The following BCAR3 variants were observed in gnomAD, a reference collection of about 807,000 sequenced individuals.
BCAR3 encodes breast cancer anti-estrogen resistance protein 3.
Under a neutral mutation model 80.1 loss-of-function variants are expected in BCAR3, and 37 were observed. That is an observed-to-expected ratio of 0.46 (90% CI 0.36 to 0.61). The LOEUF is 0.61. BCAR3 is among the 20% of genes least tolerant of loss of function. BCAR3 has a pLI of 0.00. For missense variants in BCAR3, 978 were observed against 1,068.2 expected, an observed-to-expected ratio of 0.92 and a Z score of 1.18; for synonymous variants, 389 against 418.9, an observed-to-expected ratio of 0.93 and a Z score of 0.87.
At chr1:93,760,783 G>A (rs1445100206) in intron 2 of BCAR3, among the ~76,000 whole-genome samples, 2 of 152,142 alleles carry the variant, frequency 1.3e-5, no homozygotes, top group African/African-American at 2.4e-5. Flanking sequence ...ATGACCTCTG[G>A]TAGAAAGGTC....
intron 2 of BCAR3, among the ~76,000 whole-genome samples, chr1:93,794,145 G>A (rs1363367255): frequency 5.2e-5 from 3 of 57,526 alleles, no homozygotes; most frequent in African/African-American, 4.5e-4. Context: ...ATTTGGGGTG[G>A]AGAGTTCTGT....
intron 2 of BCAR3, among the ~76,000 whole-genome samples, chr1:93,726,282 A>C (rs1451127808): frequency 6.6e-5 from 10 of 152,136 alleles, no homozygotes; most frequent in Non-Finnish European, 1.5e-4. Flanking sequence ...TATGTTGCCA[A>C]GGCTGGTCTC....
At chr1:93,716,418 C>T (rs995858012) in intron 2 of BCAR3, among the ~76,000 whole-genome samples, 1 of 152,172 alleles carries the variant, frequency 6.6e-6, no homozygotes, top group Non-Finnish European at 1.5e-5. Context: ...ACACCAATTT[C>T]TCTGCTCAAA....
intron 3 of BCAR3, among the ~76,000 whole-genome samples, chr1:93,693,985 A>T (rs989504158): frequency 6.6e-6 from 1 of 152,196 alleles, no homozygotes; most frequent in Non-Finnish European, 1.5e-5. Context: ...CAGCTCTTTG[A>T]GGCAGGTATT....
At chr1:93,643,824 G>A (rs1037255743) in intron 2 of BCAR3, among the ~76,000 whole-genome samples, 39 of 152,264 alleles carry the variant, frequency 2.6e-4, no homozygotes, top group Non-Finnish European at 8.8e-5. Context: ...TATGTGAGAT[G>A]ATGAATATGT....
chr1:93,638,557 C>G lies in BCAR3; in HGVS notation c.357+3747G>C, dbSNP rs552180545. Among the ~76,000 whole-genome samples, 3 of 152,006 alleles carry G rather than the reference C, an allele frequency of 2.0e-5. No homozygotes were observed. The East Asian group carries it at 5.8e-4, about 29-fold the overall frequency. ...ATAATTTTGCCTAGGGTTATTGGCT[C>G]TAAAAGATATTTCCTCCTATTAAAA... On this transcript the variant is annotated intron_variant, in intron 3 of 11. Coordinates refer to ENST00000260502, the MANE Select transcript of BCAR3 (RefSeq NM_003567.4).
chr1:93,650,775 G>A (rs371991185), intron 2 of BCAR3, among the ~76,000 whole-genome samples: 3 of 152,052 alleles, frequency 2.0e-5, no homozygotes, highest in East Asian at 1.9e-4. Flanking sequence ...AACCTAACCC[G>A]ATGAAACAGA....
rs189992142 is a variant in BCAR3 at position 93,661,668 on chromosome 1, T to A, written c.317+12946A>T. On this transcript the variant is annotated intron_variant, in intron 2 of 11. Coordinates refer to ENST00000260502, the MANE Select transcript of BCAR3 (RefSeq NM_003567.4). Reference sequence around the variant, plus strand: ...ACACCCGGCTAAATTTTTTTGTATTTAATAGAGACGGGGTTTCACCCTGTT... The same window carrying A: ...ACACCCGGCTAAATTTTTTTGTATTAAATAGAGACGGGGTTTCACCCTGTT... 3.5e-3 allele frequency among the ~76,000 whole-genome samples: 536 copies of A among 151,038 alleles called. 4 individuals are homozygous for A. Among genetic ancestry groups the A allele is most frequent in the Middle Eastern group, 0.025 (7 of 282 alleles).
Position 93,592,469 on chromosome 1 carries a change from C to T in BCAR3, c.358-76G>A, listed in dbSNP as rs1474231509. 3 of 1,499,450 alleles carry T rather than the reference C, an allele frequency of 2.0e-6. No homozygotes were observed. The highest frequency in any genetic ancestry group is 2.8e-5 in the African/African-American group (2 of 71,278). 92.9% of individuals were successfully genotyped at this position (1,499,450 alleles called of 1,614,324 possible). On this transcript the variant is annotated intron_variant, in intron 3 of 11. Coordinates refer to ENST00000260502, the MANE Select transcript of BCAR3 (RefSeq NM_003567.4). The surrounding 1 kb of genome is among the most constrained non-coding windows in gnomAD (Gnocchi z 4.8). ...CATGCCAGCTGGAGGTGACCGCCTG[C>T]TTCACTAATCCAACCAGTTATGCTA...
chr1:93,748,070 T>C (rs7552104), intron 2 of BCAR3, among the ~76,000 whole-genome samples: 47,450 of 151,486 alleles, frequency 0.31, 10,789 homozygotes, highest in African/African-American at 0.64. Context: ...GTAAACAGAG[T>C]CCTAGGTGCC....
chr1:93,590,420 A>G (rs1382589033), intron 4 of BCAR3: 4 of 152,234 alleles, frequency 2.6e-5, no homozygotes, highest in African/African-American at 9.6e-5. Flanking sequence ...GAATGGCTAC[A>G]AAGATTTAAG....
chr1:93,798,838 C>T (rs1653375596), intron 2 of BCAR3, among the ~76,000 whole-genome samples: 2 of 152,122 alleles, frequency 1.3e-5, no homozygotes, highest in Non-Finnish European at 2.9e-5. Context: ...AAAAGCTGTT[C>T]TATTAGTAAT....
At chr1:93,576,377 T>G (rs1673459132) in intron 7 of BCAR3, among the ~76,000 whole-genome samples, 1 of 152,242 alleles carries the variant, frequency 6.6e-6, no homozygotes. Flanking sequence ...GCTCTGCAGA[T>G]CTACAGATTT....
rs559941568 is a variant in BCAR3, at chr1:93,749,887, T to A, written c.-62-43745A>T. 1.5e-4 allele frequency among the ~76,000 whole-genome samples: 18 copies of A among 117,792 alleles called. No individual in the cohort carries two copies. In the South Asian group the frequency reaches 3.7e-3, roughly 24 times the overall value. 77.3% of individuals were successfully genotyped at this position (117,792 alleles called of 152,430 possible). A position where few individuals can be genotyped will look rare whatever the true frequency, so the allele number is the denominator to read the frequency against. On this transcript the variant is annotated intron_variant, in intron 2 of 13. Coordinates refer to the BCAR3 transcript ENST00000370244. ...TAATTTGCTTAAAGATGATCTTGAC[T>A]TATTTTTTTTTTTTTTTTGCTTCTC...
At position 93,695,983 on chromosome 1, in the gene BCAR3, A is replaced by C. The variant is rs138817550; in HGVS notation, c.-12+10109T>G. 2.1e-3 allele frequency among the ~76,000 whole-genome samples: 324 copies of C among 150,732 alleles called. 1 individual carries two copies. Among genetic ancestry groups the C allele is most frequent in the Non-Finnish European group, 3.7e-3 (248 of 67,794 alleles). Reference sequence around the variant, plus strand: ...CATATCCAGGTCCTGCACTTGGTCTACTCTGCCTGGTTATCACACATACTT... The same window carrying C: ...CATATCCAGGTCCTGCACTTGGTCTCCTCTGCCTGGTTATCACACATACTT... On this transcript the variant is annotated intron_variant, in intron 3 of 13. Transcript: ENST00000370244.
At chr1:93,697,920 G>T (rs1416587985) in intron 3 of BCAR3, among the ~76,000 whole-genome samples, 1 of 152,190 alleles carries the variant, frequency 6.6e-6, no homozygotes, top group Non-Finnish European at 1.5e-5. Context: ...AGAGGTTGTC[G>T]TGAGCCGAGA....
chr1:93,668,912 A>G (rs1571026723), intron 2 of BCAR3, among the ~76,000 whole-genome samples: 1 of 152,122 alleles, frequency 6.6e-6, no homozygotes, highest in Non-Finnish European at 1.5e-5. Flanking sequence ...GGGTTTCACC[A>G]TGTTGGCCAG....
intron 2 of BCAR3, among the ~76,000 whole-genome samples, chr1:93,770,932 C>A (rs182924949): frequency 6.6e-6 from 1 of 152,188 alleles, no homozygotes; most frequent in Admixed American, 6.5e-5. Context: ...TCCCGGCTCT[C>A]AGTGGAAGCT....
chr1:93,769,131 A>G (rs1171840055), intron 2 of BCAR3, among the ~76,000 whole-genome samples: 3 of 152,190 alleles, frequency 2.0e-5, no homozygotes, highest in Non-Finnish European at 4.4e-5. Context: ...GCAGCAGACG[A>G]TATAACTTCC....
Sources: allele counts gnomAD v4.1 joint callset (sites outside exome capture counted in the v4.1 genomes callset), GRCh38; gene constraint gnomAD v4.1.1; non-coding constraint Gnocchi (gnomAD v3.1); transcripts MANE v1.5; gene names NCBI Gene and HGNC (gene_info 2026-07-23, HGNC 2026-07-21).